COL5A1: variants seen among roughly 807,000 people sequenced by gnomAD.
COL5A1 encodes the protein collagen type V alpha 1 chain, also known as collagen alpha-1(V) chain.
In COL5A1, 16 loss-of-function variants were observed where a neutral mutation model predicts 263.7. That is an observed-to-expected ratio of 0.06 (90% CI 0.04 to 0.09). The LOEUF is 0.09. Ranked by LOEUF, COL5A1 falls within the 10% of genes least tolerant of loss-of-function variation. The pLI is 1.00. For missense variants in COL5A1, 2,036 were observed against 2,540.5 expected, an observed-to-expected ratio of 0.80 and a Z score of 4.27; for synonymous variants, 1,012 against 1,004.5, an observed-to-expected ratio of 1.01 and a Z score of -0.14.
chr9:134,766,862 G>A (rs573220129), intron 22 of COL5A1, 138 bp from the exon 23 acceptor site: 49 of 858,122 alleles, frequency 5.7e-5, no homozygotes, highest in African/African-American at 5.2e-4. Context: ...GGACCCGGCC[G>A]CCTTTCCCTT....
At chr9:134,798,376 A>C in intron 36 of COL5A1, 32 bp from the exon 37 acceptor site, 1 of 1,611,544 alleles carries the variant, frequency 6.2e-7, no homozygotes, top group Non-Finnish European at 8.5e-7. Flanking sequence ...TCAGACACGA[A>C]TGAACCTCCT....
At chr9:134,833,582 T>C (rs1449103726) in intron 64 of COL5A1, among the ~76,000 whole-genome samples, 1 of 151,932 alleles carries the variant, frequency 6.6e-6, no homozygotes, top group Non-Finnish European at 1.5e-5. Flanking sequence ...GTGGTCTTTC[T>C]TGAGTGGCCA....
At chr9:134,689,694 G>A (rs950171786) in intron 1 of COL5A1, among the ~76,000 whole-genome samples, 1 of 152,110 alleles carries the variant, frequency 6.6e-6, no homozygotes, top group African/African-American at 2.4e-5. Flanking sequence ...CTGGTCTCAC[G>A]TCCATCCCTG....
intron 32 of COL5A1, among the ~76,000 whole-genome samples, chr9:134,792,114 G>A (rs1025162430): frequency 6.6e-5 from 10 of 151,678 alleles, no homozygotes; most frequent in Non-Finnish European, 1.2e-4. Flanking sequence ...GCCGGGGGCC[G>A]GCACAGGGCC....
chr9:134,689,352 C>G (rs187225568), intron 1 of COL5A1, among the ~76,000 whole-genome samples: 1 of 152,286 alleles, frequency 6.6e-6, no homozygotes, highest in Non-Finnish European at 1.5e-5. Flanking sequence ...GGGAGGAGGG[C>G]CAGGCCAGAG....
In COL5A1 at chr9:134,647,256, T is replaced by G. The variant is rs1750352000; in HGVS notation, c.109+4960T>G. ...CTTCCTTGGCCTCGGTTCTTTGCTT[T>G]CCCACGGAACCTCATGGGGTCATTG... On this transcript the variant is annotated intron_variant, in intron 1 of 65. Transcript: ENST00000371817. The surrounding 1 kb of genome is among the most constrained non-coding windows in gnomAD (Gnocchi z 5.0). Among the ~76,000 whole-genome samples, 2 of 152,188 alleles carry G rather than the reference T, an allele frequency of 1.3e-5. No homozygotes were observed. The highest frequency in any genetic ancestry group is 4.1e-4 in the South Asian group (2 of 4,832).
chr9:134,818,832 C>G lies in COL5A1; in HGVS notation c.4339-16C>G. On this transcript the variant is annotated splice_polypyrimidine_tract_variant and intron_variant, in intron 55 of 65. Transcript: ENST00000371817. The surrounding 1 kb of genome is among the most constrained non-coding windows in gnomAD (Gnocchi z 6.0). ...CGGGGGACCAGCAACTCATGCAGAGCGTCTCTGTGTTTCAGGGAGAACAAG... is the reference window on the plus strand; with the variant it reads ...CGGGGGACCAGCAACTCATGCAGAGGGTCTCTGTGTTTCAGGGAGAACAAG... 5 of 1,613,114 alleles carry G rather than the reference C, an allele frequency of 3.1e-6. No homozygotes were observed. Among genetic ancestry groups the G allele is most frequent in the Non-Finnish European group, 4.2e-6 (5 of 1,179,870 alleles).
chr9:134,720,786 C>T (rs1329633210), intron 4 of COL5A1, among the ~76,000 whole-genome samples: 1 of 152,152 alleles, frequency 6.6e-6, no homozygotes, highest in East Asian at 1.9e-4. Context: ...GACGTCTCCA[C>T]ATGCTGACCT....
rs1839004496 is a variant in COL5A1 at position 134,821,632 on chromosome 9, T to G, written c.4555-465T>G. Among the ~76,000 whole-genome samples, 1 of 152,054 alleles carries G rather than the reference T, an allele frequency of 6.6e-6. No homozygotes were observed. Among genetic ancestry groups the G allele is most frequent in the African/African-American group, 2.4e-5 (1 of 41,384 alleles). ...ACGCTCCAAGGATGCAGAAAGCACA[T>G]TTACAGGCAGGACAGGACAGTCAGC... On this transcript the variant is annotated intron_variant, in intron 58 of 65. Transcript: ENST00000371817. The surrounding 1 kb of genome is among the most constrained non-coding windows in gnomAD (Gnocchi z 4.2).
At chr9:134,713,732 C>T (rs1003868988) in intron 4 of COL5A1, among the ~76,000 whole-genome samples, 3 of 152,160 alleles carry the variant, frequency 2.0e-5, no homozygotes, top group South Asian at 2.1e-4. Context: ...CAGGAATGCA[C>T]GCTGTCACAG....
At position 134,765,546 on chromosome 9, in the gene COL5A1, C is replaced by A. The variant is rs527557617; in HGVS notation, c.2035-135C>A. 1.3e-6 allele frequency: 1 copy of A among 775,538 alleles called. No homozygotes were observed. The allele number at this position is 775,538 out of a possible 1,614,324, so 48.0% of individuals were successfully genotyped here. ...AGGCTGGGAGGGAGTCTGGGCCTCACTCCTGGGAGGCCAGGAGGCCTGAGT... is the reference window on the plus strand; with the variant it reads ...AGGCTGGGAGGGAGTCTGGGCCTCAATCCTGGGAGGCCAGGAGGCCTGAGT... On this transcript the variant is annotated intron_variant, in intron 20 of 65. Transcript: ENST00000371817. This position sits in a 1 kb window ranked among gnomAD's most constrained non-coding sequence, Gnocchi z 5.1.
At chr9:134,822,555 G>A (rs1216338426) in intron 59 of COL5A1, among the ~76,000 whole-genome samples, 1 of 152,100 alleles carries the variant, frequency 6.6e-6, no homozygotes, top group Non-Finnish European at 1.5e-5. Flanking sequence ...ACATTGCTGG[G>A]AGACCCAGCA....
At chr9:134,710,607 GT>G in intron 4 of COL5A1, among the ~76,000 whole-genome samples, 1 of 25,522 alleles carries the variant, frequency 3.9e-5, no homozygotes, top group African/African-American at 1.3e-4. Context: ...CATTTGTTGG[GT>G]GCAGTGGTGG....
intron 19 of COL5A1, among the ~76,000 whole-genome samples, chr9:134,762,627 C>T (rs1275721567): frequency 6.6e-6 from 1 of 152,204 alleles, no homozygotes; most frequent in Non-Finnish European, 1.5e-5. Context: ...CAAGCTCTTC[C>T]CTGCAGGCAC....
rs1030598284 is a variant in COL5A1, at chr9:134,647,265, A to C, written c.109+4969A>C. Among the ~76,000 whole-genome samples the C allele has an allele frequency of 1.3e-5, 2 of 151,834 alleles. No individual in the cohort carries two copies. The highest frequency in any genetic ancestry group is 4.8e-5 in the African/African-American group (2 of 41,280). ...CCTCGGTTCTTTGCTTTCCCACGGA[A>C]CCTCATGGGGTCATTGTCCAGGCCG... On this transcript the variant is annotated intron_variant, in intron 1 of 65. Coordinates refer to ENST00000371817, the MANE Select transcript of COL5A1 (RefSeq NM_000093.5). The surrounding 1 kb of genome is among the most constrained non-coding windows in gnomAD (Gnocchi z 5.0).
intron 11 of COL5A1, among the ~76,000 whole-genome samples, chr9:134,747,835 G>A (rs1477308495): frequency 4.0e-5 from 3 of 75,074 alleles, no homozygotes; most frequent in African/African-American, 1.8e-4. Flanking sequence ...TCATACACAT[G>A]CAGACACATG....
At position 134,785,979 on chromosome 9, in the gene COL5A1, C is replaced by G; in HGVS notation, c.2593-16C>G. On this transcript the variant is annotated splice_polypyrimidine_tract_variant and intron_variant, in intron 30 of 65. Transcript: ENST00000371817. ...AATACCGTGCTGGCCATTAATGCAA[C>G]TCTTTCTTCCCCCAGGGAAAACTCG... The G allele has an allele frequency of 5.6e-6, 9 of 1,611,574 alleles. No homozygotes were observed. The highest frequency in any genetic ancestry group is 1.1e-5 in the South Asian group (1 of 90,724).
Position 134,750,586 on chromosome 9 carries a change from C to T in COL5A1, c.1539C>T (p.Pro513=), listed in dbSNP as rs151173863. ...GCCTTCCTGGGGCCGATGGCCTGCCCGGTCCTCCAGGAACCATGCTCATGC... is the reference window on the plus strand; with the variant it reads ...GCCTTCCTGGGGCCGATGGCCTGCCTGGTCCTCCAGGAACCATGCTCATGC... The part of the protein sequence containing the change: ...RPGLPGADGL[P]GPPGTMLMLP... Residue 513 remains proline (P), a synonymous_variant, in exon 12 of 66, where the codon CCC becomes CCT. Transcript: ENST00000371817. The T allele has an allele frequency of 2.7e-4, 434 of 1,613,536 alleles. 1 individual carries two copies. In the African/African-American group the frequency reaches 4.3e-3, roughly 16 times the overall value.
At chr9:134,831,320 C>T (rs992731531) in intron 64 of COL5A1, among the ~76,000 whole-genome samples, 3 of 152,228 alleles carry the variant, frequency 2.0e-5, no homozygotes, top group South Asian at 4.1e-4. Context: ...TGCAGACACT[C>T]CGAGGGTCTG....
Sources: allele counts gnomAD v4.1 joint callset (sites outside exome capture counted in the v4.1 genomes callset), GRCh38; gene constraint gnomAD v4.1.1; non-coding constraint Gnocchi (gnomAD v3.1); transcripts MANE v1.5; gene names NCBI Gene and HGNC (gene_info 2026-07-23, HGNC 2026-07-21).